SYNPR: variants seen among roughly 807,000 people sequenced by gnomAD.
The protein encoded by SYNPR is synaptoporin.
A neutral mutation model predicts 32.9 loss-of-function variants in SYNPR; 23 were observed. That is an observed-to-expected ratio of 0.70 (90% CI 0.50 to 0.99). The LOEUF (loss-of-function observed/expected upper bound fraction) is 0.99, where lower values mean the gene tolerates loss of function less well. Ranked by LOEUF, SYNPR falls within the 50% of genes least tolerant of loss-of-function variation. SYNPR has a pLI of 0.00. For synonymous variants in SYNPR, 146 were observed against 135.9 expected, an observed-to-expected ratio of 1.07 and a Z score of -0.52; for missense variants, 318 against 349.3, an observed-to-expected ratio of 0.91 and a Z score of 0.71.
chr3:63,374,301 T>C (rs2087855908), intron 2 of SYNPR, among the ~76,000 whole-genome samples: 2 of 74,414 alleles, frequency 2.7e-5, no homozygotes, highest in South Asian at 8.3e-4. Context: ...GAGATAATTA[T>C]GTGGTTTTGT....
chr3:63,552,026 T>C (rs1019224511), intron 3 of SYNPR, among the ~76,000 whole-genome samples: 36 of 151,856 alleles, frequency 2.4e-4, no homozygotes, highest in Non-Finnish European at 5.9e-5. Context: ...GCCTCCCGAG[T>C]AGCTGGGATT....
intron 1 of SYNPR, among the ~76,000 whole-genome samples, chr3:63,252,040 A>T (rs2086337295): frequency 6.6e-6 from 1 of 151,950 alleles, no homozygotes; most frequent in South Asian, 2.1e-4. Flanking sequence ...TGGGGGTACC[A>T]TGGAGTATTA....
chr3:63,460,326 C>A (rs574070400), intron 2 of SYNPR, among the ~76,000 whole-genome samples: 1 of 152,196 alleles, frequency 6.6e-6, no homozygotes, highest in East Asian at 1.9e-4. Context: ...AGAGTCTTTA[C>A]ATGTACCGTA....
intron 2 of SYNPR, among the ~76,000 whole-genome samples, chr3:63,410,437 A>G (rs945802417): frequency 2.0e-5 from 3 of 152,176 alleles, no homozygotes; most frequent in African/African-American, 7.2e-5. Flanking sequence ...TCAGGCAGAT[A>G]GCAGGCTAAT....
chr3:63,255,774 G>A (rs779496332), intron 2 of SYNPR, among the ~76,000 whole-genome samples: 18 of 151,924 alleles, frequency 1.2e-4, no homozygotes, highest in African/African-American at 2.9e-4. Flanking sequence ...GCAGTGCACC[G>A]AGTGTGAGCA....
chr3:63,518,305 T>C (rs1701837033), intron 3 of SYNPR, among the ~76,000 whole-genome samples: 1 of 152,082 alleles, frequency 6.6e-6, no homozygotes, highest in Non-Finnish European at 1.5e-5. Context: ...AAAGACTATG[T>C]TACCCACGCC....
At chr3:63,450,420 A>G (rs1017158062) in intron 2 of SYNPR, among the ~76,000 whole-genome samples, 2 of 152,202 alleles carry the variant, frequency 1.3e-5, no homozygotes, top group Non-Finnish European at 2.9e-5. Flanking sequence ...TGAATTGCCC[A>G]AGCTCTATGG....
intron 4 of SYNPR, among the ~76,000 whole-genome samples, chr3:63,588,758 G>A (rs1322621849): frequency 6.6e-6 from 1 of 152,006 alleles, no homozygotes; most frequent in Non-Finnish European, 1.5e-5. Flanking sequence ...CTAGCAAATT[G>A]CTAGGGTACC....
chr3:63,609,546 C>T (rs887348009), intron 5 of SYNPR, among the ~76,000 whole-genome samples: 7 of 152,096 alleles, frequency 4.6e-5, no homozygotes, highest in African/African-American at 1.4e-4. Context: ...TTAAGAACCC[C>T]GCAGGTATTG....
At chr3:63,210,047 T>A in the SYNPR span, among the ~76,000 whole-genome samples, 1 of 152,166 alleles carries the variant, frequency 6.6e-6, no homozygotes, top group Non-Finnish European at 1.5e-5. Flanking sequence ...AAACAGGACA[T>A]TGTTCTTACT....
At chr3:63,271,148 T>C (rs1245401392) in intron 3 of SYNPR, among the ~76,000 whole-genome samples, 1 of 152,132 alleles carries the variant, frequency 6.6e-6, no homozygotes, top group Non-Finnish European at 1.5e-5. Flanking sequence ...TGAGTACTAT[T>C]TGCCAAGCAG....
At chr3:63,548,275 C>T (rs2106816386) in intron 3 of SYNPR, among the ~76,000 whole-genome samples, 1 of 152,134 alleles carries the variant, frequency 6.6e-6, no homozygotes, top group African/African-American at 2.4e-5. Flanking sequence ...TATCAGAAAG[C>T]CTGAGTGCTA....
intron 2 of SYNPR, among the ~76,000 whole-genome samples, chr3:63,476,197 CAAGGGAAGGAAGGAAGGAGGGAAGGG>C (rs1700909596): frequency 4.5e-5 from 1 of 22,430 alleles, no homozygotes; most frequent in East Asian, 1.6e-3. Context: ...GGGAGGGAAG[CAAGGGAAGGAAGGAAGGAGGGAAGGG>C]AAGGGAAGGA....
At chr3:63,445,556 T>C in intron 2 of SYNPR, 1 of 701,464 alleles carries the variant, frequency 1.4e-6, no homozygotes, top group Non-Finnish European at 2.6e-6. Context: ...TAATGAAGAA[T>C]GCAAGAGTCA....
chr3:63,297,649 T>C (rs1291913376), intron 2 of SYNPR, among the ~76,000 whole-genome samples: 1 of 152,178 alleles, frequency 6.6e-6, no homozygotes, highest in African/African-American at 2.4e-5. Context: ...ATTAGCAAGA[T>C]AGTCTGGTAA....
At chr3:63,374,158 A>G (rs1575614809) in intron 2 of SYNPR, among the ~76,000 whole-genome samples, 1 of 152,302 alleles carries the variant, frequency 6.6e-6, no homozygotes, top group East Asian at 1.9e-4. Context: ...CCCATTCAGT[A>G]TGATGTTGGC....
At chr3:63,581,331 G>A (rs887608043) in intron 4 of SYNPR, among the ~76,000 whole-genome samples, 8 of 122,316 alleles carry the variant, frequency 6.5e-5, no homozygotes, top group African/African-American at 2.2e-4. Context: ...GGGGACAGGG[G>A]TAGGTGGTTG....
At chr3:63,507,823 GA>G (rs151037843) in intron 3 of SYNPR, among the ~76,000 whole-genome samples, 9 of 147,898 alleles carry the variant, frequency 6.1e-5, no homozygotes, top group African/African-American at 2.0e-4. Flanking sequence ...ACAAAGAAAA[GA>G]AAAAAAATGA....
chr3:63,247,256 A>T (rs2086299261), intron 1 of SYNPR, among the ~76,000 whole-genome samples: 1 of 152,052 alleles, frequency 6.6e-6, no homozygotes, highest in Admixed American at 6.6e-5. Context: ...CTATTATTAC[A>T]TAAGAAATGT....
Sources: allele counts gnomAD v4.1 joint callset (sites outside exome capture counted in the v4.1 genomes callset), GRCh38; gene constraint gnomAD v4.1.1; transcripts MANE v1.5; gene names NCBI Gene and HGNC (gene_info 2026-07-23, HGNC 2026-07-21).